SRPK2: variants seen among roughly 807,000 people sequenced by gnomAD.
The protein encoded by SRPK2 is SFRS protein kinase 2.
Under a neutral mutation model 90.8 loss-of-function variants are expected in SRPK2, and 21 were observed. That is an observed-to-expected ratio of 0.23 (90% CI 0.16 to 0.33). The LOEUF is 0.33. SRPK2 is among the 10% of genes least tolerant of loss of function. SRPK2 has a pLI of 1.00. For synonymous variants in SRPK2, 288 were observed against 311.1 expected, an observed-to-expected ratio of 0.93 and a Z score of 0.78; for missense variants, 620 against 869.0, an observed-to-expected ratio of 0.71 and a Z score of 3.60.
At position 105,244,970 on chromosome 7, in the gene SRPK2, AG is replaced by A. The variant is rs991865889; in HGVS notation, c.72-41186del. 1.3e-5 allele frequency: 18 copies of A among 1,347,806 alleles called. No individual in the cohort carries two copies. The Admixed American group carries it at 3.1e-4, about 23-fold the overall frequency. 83.5% of individuals were successfully genotyped at this position (1,347,806 alleles called of 1,614,324 possible). On this transcript the variant is annotated intron_variant, in intron 2 of 15. Transcript: ENST00000393651. Reference sequence around the variant, plus strand: ...GGAAAGCCGCTGCCAAGAAAGACTGAGCCCCCTTCCCTGCCCTCTCCCTGAA... The same window carrying A: ...GGAAAGCCGCTGCCAAGAAAGACTGACCCCCTTCCCTGCCCTCTCCCTGAA...
In SRPK2 at chr7:105,365,691, C is replaced by T. The variant is rs537563262; in HGVS notation, c.71+22957G>A. On this transcript the variant is annotated intron_variant, in intron 2 of 15. Transcript: ENST00000393651. ...GCGTGTACCTGCAGTCTCAGCTACT[C>T]GGGGGACTGAGATGGGAGGATCATG... Among the ~76,000 whole-genome samples the T allele has an allele frequency of 1.3e-4, 20 of 151,376 alleles. No homozygotes were observed. The South Asian group carries it at 3.4e-3, about 25-fold the overall frequency.
chr7:105,167,529 A>G, intron 5 of SRPK2, 65 bp from the exon 6 acceptor site: 1 of 959,258 alleles, frequency 1.0e-6, no homozygotes, highest in Non-Finnish European at 1.6e-6. Flanking sequence ...TCCCATTATA[A>G]CACCAATACT....
At chr7:105,264,042 A>G (rs1804701895) in intron 2 of SRPK2, among the ~76,000 whole-genome samples, 1 of 152,124 alleles carries the variant, frequency 6.6e-6, no homozygotes, top group Admixed American at 6.6e-5. Flanking sequence ...CAACGGGGGG[A>G]GAAAGGGAAA....
chr7:105,334,363 C>T (rs1318363759), intron 2 of SRPK2, among the ~76,000 whole-genome samples: 1 of 152,198 alleles, frequency 6.6e-6, no homozygotes, highest in Non-Finnish European at 1.5e-5. Flanking sequence ...CAGGCGTGAG[C>T]CACCACGCCC....
At chr7:105,379,448 T>C (rs1046197573) in intron 2 of SRPK2, among the ~76,000 whole-genome samples, 2 of 152,026 alleles carry the variant, frequency 1.3e-5, no homozygotes, top group African/African-American at 2.4e-5. Flanking sequence ...CCTCCAAGCG[T>C]ACTGAGGGAT....
At chr7:105,304,246 A>T (rs1810905404) in intron 2 of SRPK2, 1 of 152,374 alleles carries the variant, frequency 6.6e-6, no homozygotes, top group Non-Finnish European at 1.5e-5. Context: ...TCCATGAGTC[A>T]AAAACAATAA....
intron 2 of SRPK2, among the ~76,000 whole-genome samples, chr7:105,213,188 T>C (rs926296941): frequency 2.0e-5 from 3 of 152,168 alleles, no homozygotes; most frequent in Non-Finnish European, 2.9e-5. Context: ...TACTGTACCA[T>C]TCATTTCGAC....
intron 2 of SRPK2, among the ~76,000 whole-genome samples, chr7:105,205,205 C>A (rs1585168454): frequency 1.3e-5 from 2 of 152,046 alleles, no homozygotes; most frequent in African/African-American, 4.8e-5. Flanking sequence ...ACGGCCACAA[C>A]TGAAGGAAGG....
chr7:105,205,152 A>G (rs940228385), intron 2 of SRPK2, among the ~76,000 whole-genome samples: 12 of 152,120 alleles, frequency 7.9e-5, no homozygotes, highest in Non-Finnish European at 1.8e-4. Context: ...AGAGCCTCCA[A>G]CACCACCACT....
intron 2 of SRPK2, among the ~76,000 whole-genome samples, chr7:105,322,487 C>T (rs1486820932): frequency 6.6e-6 from 1 of 152,068 alleles, no homozygotes; most frequent in East Asian, 1.9e-4. Flanking sequence ...CACAAAAGGT[C>T]ATGTGTTATA....
chr7:105,265,229 A>G (rs1490516938), intron 2 of SRPK2, among the ~76,000 whole-genome samples: 6 of 152,216 alleles, frequency 3.9e-5, no homozygotes, highest in Non-Finnish European at 8.8e-5. Context: ...TACAGATCAA[A>G]AATATTTGGG....
rs141421188 is a variant in SRPK2 at position 105,157,708 on chromosome 7, T to C, written c.621+2799A>G. Among the ~76,000 whole-genome samples the C allele has an allele frequency of 3.0e-4, 45 of 152,302 alleles. No homozygotes were observed. The East Asian group carries it at 8.1e-3, about 27-fold the overall frequency. ...ATCAAATTTTCAGCTTGAATTTCTC[T>C]GAACTAAAGAAATAATATAAGAGCT... On this transcript the variant is annotated intron_variant, in intron 7 of 15. Coordinates refer to ENST00000393651, the MANE Select transcript of SRPK2 (RefSeq NM_182692.3).
intron 2 of SRPK2, among the ~76,000 whole-genome samples, chr7:105,372,286 CTAAAT>C (rs1819794122): frequency 6.6e-6 from 1 of 151,736 alleles, no homozygotes; most frequent in South Asian, 2.1e-4. Context: ...AGCAGTATTT[CTAAAT>C]TAATGTAAAA....
intron 2 of SRPK2, among the ~76,000 whole-genome samples, chr7:105,276,806 G>A (rs1166593003): frequency 6.6e-6 from 1 of 152,162 alleles, no homozygotes; most frequent in African/African-American, 2.4e-5. Context: ...AATATACCTA[G>A]AAGTTAAGAG....
intron 2 of SRPK2, among the ~76,000 whole-genome samples, chr7:105,320,845 G>A (rs1425906594): frequency 1.3e-5 from 2 of 149,822 alleles, no homozygotes; most frequent in Non-Finnish European, 2.9e-5. Flanking sequence ...GCACAACTGG[G>A]TTAATGAGAC....
At chr7:105,284,116 A>C (rs1231597307) in intron 2 of SRPK2, among the ~76,000 whole-genome samples, 1 of 152,204 alleles carries the variant, frequency 6.6e-6, no homozygotes, top group East Asian at 1.9e-4. Flanking sequence ...TATGTAACTA[A>C]GCCAGGATAA....
chr7:105,215,359 C>T (rs1327421844), intron 2 of SRPK2, among the ~76,000 whole-genome samples: 1 of 151,968 alleles, frequency 6.6e-6, no homozygotes, highest in African/African-American at 2.4e-5. Flanking sequence ...ACGTCAGTGA[C>T]GTACAAAACA....
At chr7:105,227,914 A>C (rs1224044986) in intron 2 of SRPK2, among the ~76,000 whole-genome samples, 2 of 141,472 alleles carry the variant, frequency 1.4e-5, no homozygotes, top group Non-Finnish European at 3.1e-5. Context: ...AAAAAAAAAA[A>C]AGTAACTAAC....
At chr7:105,168,192 A>C in intron 4 of SRPK2, 97 bp from the exon 5 acceptor site, 1 of 1,029,058 alleles carries the variant, frequency 9.7e-7, no homozygotes. Flanking sequence ...GAAAATGTAA[A>C]ATCCAAAATG....
Sources: allele counts gnomAD v4.1 joint callset (sites outside exome capture counted in the v4.1 genomes callset), GRCh38; gene constraint gnomAD v4.1.1; transcripts MANE v1.5; gene names NCBI Gene and HGNC (gene_info 2026-07-23, HGNC 2026-07-21).